NLRP1: variants seen among roughly 807,000 people sequenced by gnomAD.
The protein encoded by NLRP1 is NACHT, LRR and PYD domains-containing protein 1.
NLRP1 carries 94 observed loss-of-function variants against 136.7 expected under a neutral mutation model. The observed-to-expected ratio is 0.69, with a 90% CI of 0.58 to 0.82. The LOEUF (loss-of-function observed/expected upper bound fraction) is 0.82, where lower values mean the gene tolerates loss of function less well. NLRP1 is among the 40% of genes least tolerant of loss of function. The pLI is 0.00. For synonymous variants in NLRP1, 690 were observed against 725.1 expected (o/e 0.95, Z 0.78); for missense variants, 1,575 against 1,802.7 (o/e 0.87, Z 2.29).
At chr17:5,578,831 A>G (rs982207427) in intron 3 of NLRP1, among the ~76,000 whole-genome samples, 1 of 152,230 alleles carries the variant, frequency 6.6e-6, no homozygotes, top group African/African-American at 2.4e-5. Context: ...TTGTGGCACT[A>G]TTTACAATAG....
chr17:5,576,363 A>C (rs1282131133), intron 3 of NLRP1, among the ~76,000 whole-genome samples: 1 of 152,214 alleles, frequency 6.6e-6, no homozygotes, highest in Non-Finnish European at 1.5e-5. Context: ...GATCAACAAA[A>C]TTGATAGACC....
downstream of NLRP1, among the ~76,000 whole-genome samples, chr17:5,511,129 G>A (rs1181974837): frequency 2.6e-5 from 4 of 152,064 alleles, no homozygotes; most frequent in South Asian, 4.1e-4. Context: ...TCTAGCTGTT[G>A]CTATTAGAAT....
At chr17:5,513,550 T>G (rs1270995992), downstream of NLRP1, among the ~76,000 whole-genome samples, 1 of 152,240 alleles carries the variant, frequency 6.6e-6, no homozygotes, top group Non-Finnish European at 1.5e-5. Context: ...TAGTCCAGTG[T>G]TCCAGCCTGT....
At chr17:5,549,301 C>T (rs1227219256) in intron 5 of NLRP1, among the ~76,000 whole-genome samples, 4 of 149,084 alleles carry the variant, frequency 2.7e-5, no homozygotes, top group African/African-American at 9.9e-5. Flanking sequence ...TCTTTTTCAA[C>T]AGGGTCTCCC....
chr17:5,567,762 A>C (rs866693662), intron 3 of NLRP1, among the ~76,000 whole-genome samples: 8 of 152,248 alleles, frequency 5.3e-5, no homozygotes, highest in Middle Eastern at 3.4e-3. Flanking sequence ...GTATTGATGA[A>C]ATCCTTCAGC....
At chr17:5,562,550 C>G (rs956847196) in intron 3 of NLRP1, among the ~76,000 whole-genome samples, 1 of 152,170 alleles carries the variant, frequency 6.6e-6, no homozygotes, top group African/African-American at 2.4e-5. Flanking sequence ...GAGAAGGTCA[C>G]CCCCCTGTCC....
intron 3 of NLRP1, among the ~76,000 whole-genome samples, chr17:5,572,213 CAAAAACAATTGCAAT>C (rs940538816): frequency 6.6e-6 from 1 of 152,038 alleles, no homozygotes; most frequent in Non-Finnish European, 1.5e-5. Context: ...AGGAAGATGC[CAAAAACAATTGCAAT>C]GAAAACAAAA....
chr17:5,543,660 A>T (rs539135995), intron 5 of NLRP1, among the ~76,000 whole-genome samples: 18 of 100,660 alleles, frequency 1.8e-4, no homozygotes, highest in Admixed American at 3.1e-4. Flanking sequence ...CATCTCAAAT[A>T]AAAAAAAAAA....
chr17:5,568,547 C>T (rs979996938), intron 3 of NLRP1, among the ~76,000 whole-genome samples: 7 of 152,144 alleles, frequency 4.6e-5, no homozygotes, highest in African/African-American at 7.2e-5. Flanking sequence ...CTCTCTTTCT[C>T]CAGAATTGGT....
At chr17:5,534,950 G>A (rs936697737) in intron 8 of NLRP1, among the ~76,000 whole-genome samples, 14 of 152,290 alleles carry the variant, frequency 9.2e-5, no homozygotes, top group African/African-American at 2.4e-4. Context: ...AGCCGGGCGC[G>A]GTGGCTCACG....
intron 11 of NLRP1, among the ~76,000 whole-genome samples, chr17:5,531,853 A>G (rs1252252198): frequency 6.6e-6 from 1 of 152,250 alleles, no homozygotes; most frequent in Non-Finnish European, 1.5e-5. Flanking sequence ...GTGGCTGTTA[A>G]TAAAACAGGA....
intron 5 of NLRP1, among the ~76,000 whole-genome samples, chr17:5,547,341 A>G (rs1021493110): frequency 6.6e-6 from 1 of 152,230 alleles, no homozygotes; most frequent in Non-Finnish European, 1.5e-5. Context: ...ACCTTGTGCA[A>G]CAGACATGGT....
At chr17:5,511,419 C>T (rs527701007), downstream of NLRP1, among the ~76,000 whole-genome samples, 9 of 143,840 alleles carry the variant, frequency 6.3e-5, no homozygotes, top group South Asian at 2.3e-4. Context: ...CCAGCCTGGG[C>T]GACAGAGCGA....
chr17:5,550,742 T>C (rs1267378214), intron 5 of NLRP1, among the ~76,000 whole-genome samples: 2 of 152,168 alleles, frequency 1.3e-5, no homozygotes, highest in South Asian at 2.1e-4. Flanking sequence ...TTTGGTTTTG[T>C]TTGCTTTTTA....
intron 8 of NLRP1, among the ~76,000 whole-genome samples, chr17:5,536,295 T>C (rs910011127): frequency 9.0e-4 from 136 of 151,862 alleles, no homozygotes; most frequent in Middle Eastern, 3.4e-3. Flanking sequence ...ACTACAGGCG[T>C]GCGTCACCAC....
chr17:5,572,812 A>C (rs1904553035), intron 3 of NLRP1, among the ~76,000 whole-genome samples: 1 of 152,166 alleles, frequency 6.6e-6, no homozygotes, highest in African/African-American at 2.4e-5. Context: ...AACATCACTT[A>C]TTATTAGCAA....
rs186894925 is a variant in NLRP1 at position 5,563,566 on chromosome 17, G to T, written c.653-3523C>A. On this transcript the variant is annotated intron_variant, in intron 3 of 16. Coordinates refer to ENST00000572272, the MANE Select transcript of NLRP1 (RefSeq NM_033004.4). ...CTGGTTCTCCAAATTAACTCAGTCAGACAAAAATAAAAAAGAATGAAAACA... is the reference window on the plus strand; with the variant it reads ...CTGGTTCTCCAAATTAACTCAGTCATACAAAAATAAAAAAGAATGAAAACA... Among the ~76,000 whole-genome samples the T allele has an allele frequency of 4.4e-3, 665 of 152,264 alleles. 1 individual carries two copies. The highest frequency in any genetic ancestry group is 5.8e-3 in the Non-Finnish European group (397 of 68,010).
At chr17:5,574,965 T>C (rs953007862) in intron 3 of NLRP1, among the ~76,000 whole-genome samples, 20 of 152,186 alleles carry the variant, frequency 1.3e-4, no homozygotes, top group African/African-American at 4.1e-4. Context: ...CGCCTGGCAA[T>C]ATTCAACTTT....
chr17:5,521,379 A>G, intron 13 of NLRP1, 145 bp downstream of exon 13: 1 of 789,692 alleles, frequency 1.3e-6, no homozygotes, highest in Non-Finnish European at 2.0e-6. Context: ...CTGAGAGGGG[A>G]CGAATTGTTT....
Sources: allele counts gnomAD v4.1 joint callset (sites outside exome capture counted in the v4.1 genomes callset), GRCh38; gene constraint gnomAD v4.1.1; transcripts MANE v1.5; gene names NCBI Gene and HGNC (gene_info 2026-07-23, HGNC 2026-07-21).